Variants in CLSTN2 observed in about 807,000 individuals in gnomAD.
CLSTN2 encodes calsyntenin-2.
Under a neutral mutation model 101.2 loss-of-function variants are expected in CLSTN2, and 48 were observed. The ratio of observed to expected loss-of-function variants is 0.47; its 90% CI spans 0.38 to 0.60. The LOEUF (loss-of-function observed/expected upper bound fraction) is 0.60. Ranked by LOEUF, CLSTN2 falls within the 20% of genes least tolerant of loss-of-function variation. The probability of loss-of-function intolerance (pLI) is 0.00; values close to 1 mark genes in which losing one functional copy is unlikely to be tolerated. For missense variants in CLSTN2, 1,160 were observed against 1,238.2 expected (o/e 0.94, Z 0.95); for synonymous variants, 481 against 463.6 (o/e 1.04, Z -0.48).
Position 140,072,864 on chromosome 3 carries a change from T to C in CLSTN2, c.110-103087T>C, listed in dbSNP as rs2008418779. 2.6e-5 allele frequency among the ~76,000 whole-genome samples: 4 copies of C among 152,240 alleles called. No individual in the cohort carries two copies. In the South Asian group the frequency reaches 8.3e-4, roughly 32 times the overall value. ...TTCCTGGAGTACTTACTGCCATCCTTATGCTAATGAACTGATGCGTGTTAC... is the reference window on the plus strand; with the variant it reads ...TTCCTGGAGTACTTACTGCCATCCTCATGCTAATGAACTGATGCGTGTTAC... On this transcript the variant is annotated intron_variant, in intron 1 of 16. Transcript: ENST00000458420.
intron 1 of CLSTN2, among the ~76,000 whole-genome samples, chr3:140,163,397 AT>A (rs760024431): frequency 2.0e-5 from 3 of 147,464 alleles, no homozygotes; most frequent in Non-Finnish European, 4.4e-5. Context: ...GCATGAATCA[AT>A]TCTTTAAAAT....
At chr3:140,427,197 A>ATGTG (rs1189019971) in intron 5 of CLSTN2, among the ~76,000 whole-genome samples, 78 of 92,902 alleles carry the variant, frequency 8.4e-4, no homozygotes, top group East Asian at 1.2e-3. Context: ...ATATATATAT[A>ATGTG]TATATATGTG....
intron 1 of CLSTN2, among the ~76,000 whole-genome samples, chr3:140,141,751 CTG>C (rs2009701138): frequency 6.6e-6 from 1 of 152,196 alleles, no homozygotes; most frequent in Non-Finnish European, 1.5e-5. Flanking sequence ...TAGCATAACT[CTG>C]TGCATAGTGG....
chr3:140,205,797 G>A (rs897695050), intron 2 of CLSTN2, among the ~76,000 whole-genome samples: 1 of 152,136 alleles, frequency 6.6e-6, no homozygotes, highest in Non-Finnish European at 1.5e-5. Context: ...CTGCCCTAAG[G>A]AGCTTTTACT....
intron 2 of CLSTN2, among the ~76,000 whole-genome samples, chr3:140,226,864 T>C (rs2086325469): frequency 6.6e-6 from 1 of 152,206 alleles, no homozygotes; most frequent in Non-Finnish European, 1.5e-5. Flanking sequence ...CTCCCATTTT[T>C]AAAACCATCA....
intron 8 of CLSTN2, among the ~76,000 whole-genome samples, chr3:140,485,358 CGGCCCCTACTA>C (rs1934215364): frequency 6.6e-6 from 1 of 152,210 alleles, no homozygotes; most frequent in Admixed American, 6.5e-5. Flanking sequence ...AGGTGTCAGT[CGGCCCCTACTA>C]GGGGGTGCCT....
rs377041940 is a variant in CLSTN2 at position 140,052,224 on chromosome 3, T to A, written c.109+116741T>A. Among the ~76,000 whole-genome samples the A allele has an allele frequency of 3.3e-5, 5 of 152,322 alleles. No individual in the cohort carries two copies. The East Asian group carries it at 5.8e-4, about 18-fold the overall frequency. On this transcript the variant is annotated intron_variant, in intron 1 of 16. Transcript: ENST00000458420. ...CCCAGGCTGGAGTGTAATGGCATGA[T>A]CTCAGCTCACTGCAACCTCCACCTC...
At chr3:140,271,422 G>A (rs1338704270) in intron 2 of CLSTN2, among the ~76,000 whole-genome samples, 1 of 152,154 alleles carries the variant, frequency 6.6e-6, no homozygotes, top group Non-Finnish European at 1.5e-5. Flanking sequence ...TATGTACATG[G>A]CAAATATTTC....
chr3:140,268,009 C>T (rs369083734), intron 2 of CLSTN2, among the ~76,000 whole-genome samples: 4 of 152,132 alleles, frequency 2.6e-5, no homozygotes, highest in Admixed American at 6.5e-5. Flanking sequence ...TAAACACAGG[C>T]TACATAAAAT....
At chr3:140,139,689 C>G (rs887364752) in intron 1 of CLSTN2, among the ~76,000 whole-genome samples, 1 of 152,154 alleles carries the variant, frequency 6.6e-6, no homozygotes, top group African/African-American at 2.4e-5. Flanking sequence ...TAATTCGATC[C>G]GACTCTACCA....
intron 1 of CLSTN2, among the ~76,000 whole-genome samples, chr3:139,960,115 G>A (rs1047589860): frequency 5.3e-5 from 8 of 152,176 alleles, no homozygotes; most frequent in African/African-American, 1.9e-4. Flanking sequence ...AGTGGGAGAG[G>A]GAAGGGAAAG....
chr3:140,513,166 G>A (rs1934847338), intron 8 of CLSTN2, among the ~76,000 whole-genome samples: 1 of 152,150 alleles, frequency 6.6e-6, no homozygotes, highest in South Asian at 2.1e-4. Context: ...TGGTGAGAGA[G>A]GGCATCCTTG....
Position 140,556,641 on chromosome 3 carries a change from C to T in CLSTN2, c.1803C>T (p.Leu601=), listed in dbSNP as rs1347968852. Residue 601 remains leucine (L), a synonymous_variant, in exon 11 of 17, where the codon CTC becomes CTT. Transcript: ENST00000458420. ...TCCCAACGGCGGGTGTGCGGCGCCT[C>T]AAAGTATCCTCCAAAGTCCAGTGAG... The part of the protein sequence containing the change: ...RQFPTAGVRR[L]KVSSKVQCFG... 6.2e-7 allele frequency: 1 copy of T among 1,613,988 alleles called. No individual in the cohort carries two copies.
chr3:140,373,093 A>G (rs775722146), intron 2 of CLSTN2, among the ~76,000 whole-genome samples: 1 of 152,348 alleles, frequency 6.6e-6, no homozygotes, highest in East Asian at 1.9e-4. Flanking sequence ...AATAATTTTT[A>G]AAAAGCTAAA....
chr3:140,437,840 C>A (rs961813852), intron 5 of CLSTN2, among the ~76,000 whole-genome samples: 3 of 152,174 alleles, frequency 2.0e-5, no homozygotes, highest in Non-Finnish European at 4.4e-5. Flanking sequence ...GTAAAAATTT[C>A]CCATAGTTCA....
At chr3:140,505,517 C>G in intron 8 of CLSTN2, 1 of 152,140 alleles carries the variant, frequency 6.6e-6, no homozygotes, top group East Asian at 1.9e-4. Flanking sequence ...GTGGGACATG[C>G]TTTCTCGCCA....
chr3:140,354,383 C>T (rs2087642409), intron 2 of CLSTN2, among the ~76,000 whole-genome samples: 1 of 152,198 alleles, frequency 6.6e-6, no homozygotes, highest in Non-Finnish European at 1.5e-5. Context: ...AGAAATTCTG[C>T]ATTCATTGTC....
intron 2 of CLSTN2, among the ~76,000 whole-genome samples, chr3:140,218,579 C>T (rs568701693): frequency 6.6e-6 from 1 of 152,068 alleles, no homozygotes; most frequent in Non-Finnish European, 1.5e-5. Flanking sequence ...TAAGTAGATA[C>T]ATTAAAAAAA....
chr3:140,191,109 G>GT (rs1264116292), intron 2 of CLSTN2, among the ~76,000 whole-genome samples: 1 of 151,854 alleles, frequency 6.6e-6, no homozygotes, highest in Non-Finnish European at 1.5e-5. Flanking sequence ...TTTCTGTGAG[G>GT]TTTTTTTAAA....
Sources: gnomAD v4.1 joint callset for allele counts (sites outside exome capture counted in the v4.1 genomes callset) on GRCh38, gnomAD v4.1.1 for gene constraint, MANE v1.5 for transcripts, NCBI Gene and HGNC (gene_info 2026-07-23, HGNC 2026-07-21) for gene names.